Variants in PRMT3 observed in about 807,000 individuals in gnomAD.
The protein encoded by PRMT3 is protein arginine methyltransferase 3, also known as protein arginine N-methyltransferase 3.
Under a neutral mutation model 71.9 loss-of-function variants are expected in PRMT3, and 62 were observed. The ratio of observed to expected loss-of-function variants is 0.86; its 90% CI spans 0.70 to 1.07. The LOEUF (loss-of-function observed/expected upper bound fraction) is 1.07. Among genes scored for constraint, PRMT3 ranks in the 50% least tolerant of loss-of-function variants. PRMT3 has a pLI of 0.00. For synonymous variants in PRMT3, 213 were observed against 220.4 expected, an observed-to-expected ratio of 0.97 and a Z score of 0.30; for missense variants, 663 against 643.0, an observed-to-expected ratio of 1.03 and a Z score of -0.34.
intron 13 of PRMT3, among the ~76,000 whole-genome samples, chr11:20,493,256 A>C (rs1851252236): frequency 6.6e-6 from 1 of 152,240 alleles, no homozygotes. Context: ...GGAAAAAAAA[A>C]ATAAGTAACA....
intron 13 of PRMT3, 29 bp from the exon 14 acceptor site, chr11:20,493,890 G>T: frequency 7.0e-7 from 1 of 1,423,738 alleles, no homozygotes; most frequent in Non-Finnish European, 9.8e-7. Flanking sequence ...CATTTAGTAA[G>T]CATTTATATT....
rs1174623517 is a variant in PRMT3, at chr11:20,395,739, A to G, written c.401-64A>G. On this transcript the variant is annotated intron_variant, in intron 5 of 15. Transcript: ENST00000331079. Reference sequence around the variant, plus strand: ...GAAACTTAGGGCGTATTTATTCCTAACATATTTATACTTGTTTTATTGTTA... The same window carrying G: ...GAAACTTAGGGCGTATTTATTCCTAGCATATTTATACTTGTTTTATTGTTA... 2.0e-6 allele frequency: 3 copies of G among 1,479,618 alleles called. No homozygotes were observed. The African/African-American group carries it at 4.2e-5, about 21-fold the overall frequency. 91.7% of individuals were successfully genotyped at this position (1,479,618 alleles called of 1,614,324 possible).
chr11:20,484,245 A>T (rs11025581), intron 13 of PRMT3, among the ~76,000 whole-genome samples: 11,860 of 152,296 alleles, frequency 0.078, 551 homozygotes, highest in East Asian at 0.2. Flanking sequence ...TTGAACAAAA[A>T]GTATTATAAA....
intron 15 of PRMT3, among the ~76,000 whole-genome samples, chr11:20,495,987 C>G (rs996198015): frequency 6.6e-6 from 1 of 152,192 alleles, no homozygotes; most frequent in Non-Finnish European, 1.5e-5. Flanking sequence ...CTTTTGCTGG[C>G]TTTTAATTAG....
At chr11:20,443,799 A>C (rs1849962755) in intron 10 of PRMT3, among the ~76,000 whole-genome samples, 1 of 152,208 alleles carries the variant, frequency 6.6e-6, no homozygotes, top group Non-Finnish European at 1.5e-5. Context: ...TTGTTGATTA[A>C]GTGAGAGTGC....
At chr11:20,429,812 T>G (rs1307820655) in intron 10 of PRMT3, among the ~76,000 whole-genome samples, 1 of 152,228 alleles carries the variant, frequency 6.6e-6, no homozygotes, top group Non-Finnish European at 1.5e-5. Flanking sequence ...ATGGCCTTAT[T>G]TCTCTGGTGA....
At chr11:20,486,706 CAGA>C (rs770302675) in intron 13 of PRMT3, among the ~76,000 whole-genome samples, 2 of 152,020 alleles carry the variant, frequency 1.3e-5, no homozygotes, top group Non-Finnish European at 2.9e-5. Flanking sequence ...ACTGTGCTGC[CAGA>C]AAATAACTGC....
At chr11:20,454,432 T>A (rs1850222048) in intron 11 of PRMT3, among the ~76,000 whole-genome samples, 1 of 152,130 alleles carries the variant, frequency 6.6e-6, no homozygotes, top group South Asian at 2.1e-4. Context: ...AGGGATAAAG[T>A]GGAGGTTCAT....
intron 13 of PRMT3, among the ~76,000 whole-genome samples, chr11:20,472,059 G>C (rs1392428058): frequency 6.6e-6 from 1 of 152,150 alleles, no homozygotes; most frequent in Non-Finnish European, 1.5e-5. Context: ...TGTGTCCTGA[G>C]ACTTTGCTGA....
chr11:20,489,047 G>T (rs1450504865), intron 13 of PRMT3, among the ~76,000 whole-genome samples: 2 of 152,144 alleles, frequency 1.3e-5, no homozygotes, highest in African/African-American at 4.8e-5. Context: ...AATTGTCGAG[G>T]ATTCTCACAA....
chr11:20,399,783 C>G, intron 7 of PRMT3, among the ~76,000 whole-genome samples: 1 of 152,180 alleles, frequency 6.6e-6, no homozygotes, highest in East Asian at 1.9e-4. Context: ...ATGTCAGTAA[C>G]CATAAGACTT....
intron 14 of PRMT3, 91 bp from the exon 15 acceptor site, chr11:20,494,076 A>G: frequency 2.1e-6 from 3 of 1,456,872 alleles, no homozygotes; most frequent in Non-Finnish European, 2.9e-6. Flanking sequence ...GCTGTAAGCA[A>G]TTGGGGCTTG....
rs1335049137 is a variant in PRMT3 at position 20,508,901 on chromosome 11, A to T, written c.*488A>T. 1 of 189,180 alleles carries T rather than the reference A, an allele frequency of 5.3e-6. No individual in the cohort carries two copies. The highest frequency in any genetic ancestry group is 1.1e-5 in the Non-Finnish European group (1 of 88,644). 11.7% of individuals were successfully genotyped at this position (189,180 alleles called of 1,614,324 possible). A position where few individuals can be genotyped will look rare whatever the true frequency, so the allele number is the denominator to read the frequency against. On this transcript the variant is annotated 3_prime_UTR_variant, in exon 16 of 16. Coordinates refer to ENST00000331079, the MANE Select transcript of PRMT3 (RefSeq NM_005788.4). The stretch of plus-strand genomic sequence containing the variant: ...ATCAGGATGTAATAAAGATTTGTAT[A>T]AAAAAACTAAAATATGGAAAAGAGC...
At chr11:20,496,392 G>C (rs1411415481) in intron 15 of PRMT3, among the ~76,000 whole-genome samples, 1 of 152,072 alleles carries the variant, frequency 6.6e-6, no homozygotes, top group African/African-American at 2.4e-5. Flanking sequence ...TACTCCAGCT[G>C]GGGCGACATA....
At chr11:20,492,742 C>G (rs10833336) in intron 13 of PRMT3, among the ~76,000 whole-genome samples, 41,910 of 151,976 alleles carry the variant, frequency 0.28, 5,986 homozygotes, top group South Asian at 0.38. Context: ...ATGTATTTAT[C>G]TGAGTATGTT....
At chr11:20,437,811 A>C (rs954025482) in intron 10 of PRMT3, among the ~76,000 whole-genome samples, 14 of 151,838 alleles carry the variant, frequency 9.2e-5, no homozygotes, top group African/African-American at 3.4e-4. Context: ...GGATGGTCTC[A>C]ATCTCCTGAC....
intron 6 of PRMT3, among the ~76,000 whole-genome samples, chr11:20,396,258 C>T (rs1449594086): frequency 1.3e-5 from 2 of 152,104 alleles, no homozygotes; most frequent in Non-Finnish European, 2.9e-5. Context: ...CTCCATTTTA[C>T]TTTTTCTATC....
chr11:20,485,764 A>C (rs1328195570), intron 13 of PRMT3, among the ~76,000 whole-genome samples: 1 of 152,246 alleles, frequency 6.6e-6, no homozygotes, highest in Non-Finnish European at 1.5e-5. Context: ...AGAATGTTAC[A>C]GTATTTAAAG....
chr11:20,490,478 G>A (rs966807157), intron 13 of PRMT3, among the ~76,000 whole-genome samples: 1 of 151,650 alleles, frequency 6.6e-6, no homozygotes, highest in Non-Finnish European at 1.5e-5. Flanking sequence ...TTTGGAGATT[G>A]ATTAATAAGC....
Sources: gnomAD v4.1 joint callset for allele counts (sites outside exome capture counted in the v4.1 genomes callset) on GRCh38, gnomAD v4.1.1 for gene constraint, MANE v1.5 for transcripts, NCBI Gene and HGNC (gene_info 2026-07-23, HGNC 2026-07-21) for gene names.